Variants in CCDC178 observed in about 807,000 individuals in gnomAD.
CCDC178 encodes the protein coiled-coil domain containing 178.
In CCDC178, 126 loss-of-function variants were observed where a neutral mutation model predicts 117.4. The ratio of observed to expected loss-of-function variants is 1.07; its 90% CI spans 0.93 to 1.24. CCDC178 has a LOEUF of 1.24. Among genes scored for constraint, CCDC178 ranks in the 50% most tolerant of loss-of-function variants. CCDC178 has a pLI of 0.00. For missense variants in CCDC178, 1,030 were observed against 986.9 expected (o/e 1.04, Z -0.59); for synonymous variants, 283 against 313.4 (o/e 0.90, Z 1.02).
At chr18:33,065,686 C>G (rs751630940) in intron 21 of CCDC178, among the ~76,000 whole-genome samples, 3 of 151,986 alleles carry the variant, frequency 2.0e-5, no homozygotes, top group Non-Finnish European at 2.9e-5. Flanking sequence ...ATAAAAGCAG[C>G]AAGAGAAAAG....
intron 20 of CCDC178, among the ~76,000 whole-genome samples, chr18:33,202,824 A>G (rs1301913370): frequency 1.3e-5 from 2 of 152,198 alleles, no homozygotes; most frequent in African/African-American, 4.8e-5. Flanking sequence ...AGTCCTCACA[A>G]TATATTCTTT....
intron 3 of CCDC178, among the ~76,000 whole-genome samples, chr18:33,404,531 T>G (rs1599278801): frequency 6.6e-6 from 1 of 152,130 alleles, no homozygotes; most frequent in African/African-American, 2.4e-5. Flanking sequence ...TGGCTGCTTC[T>G]GTGGAAAGCA....
At chr18:33,439,511 T>C (rs1376491864) in intron 2 of CCDC178, among the ~76,000 whole-genome samples, 1 of 152,254 alleles carries the variant, frequency 6.6e-6, no homozygotes, top group African/African-American at 2.4e-5. Context: ...AAGTATTATA[T>C]ATTCAAGATA....
chr18:33,407,126 C>T (rs981473063), intron 3 of CCDC178, among the ~76,000 whole-genome samples: 3 of 152,112 alleles, frequency 2.0e-5, no homozygotes, highest in Admixed American at 2.0e-4. Flanking sequence ...GTACATCCAA[C>T]CAGGTGAGAC....
chr18:33,010,386 T>C (rs542193819), intron 21 of CCDC178, among the ~76,000 whole-genome samples: 41 of 152,168 alleles, frequency 2.7e-4, no homozygotes, highest in Admixed American at 1.7e-3. Context: ...ACTGTCACCA[T>C]TGTCAAAGCA....
chr18:33,369,973 TG>T, intron 6 of CCDC178, 76 bp downstream of exon 6: 8 of 1,229,018 alleles, frequency 6.5e-6, no homozygotes, highest in Non-Finnish European at 8.8e-6. Context: ...CAGAGTTTCC[TG>T]GGTTCTTTAA....
chr18:32,983,362 G>A, intron 21 of CCDC178: 1 of 1,484,744 alleles, frequency 6.7e-7, no homozygotes, highest in Non-Finnish European at 9.1e-7. Flanking sequence ...CCTAAGAATA[G>A]AAATATTACA....
intron 20 of CCDC178, among the ~76,000 whole-genome samples, chr18:33,099,389 G>T (rs2057590730): frequency 6.6e-6 from 1 of 151,996 alleles, no homozygotes; most frequent in Non-Finnish European, 1.5e-5. Context: ...GCACTGGAAT[G>T]ATAGTTTTGC....
intron 15 of CCDC178, among the ~76,000 whole-genome samples, chr18:33,235,911 C>G (rs2059421451): frequency 6.6e-6 from 1 of 152,128 alleles, no homozygotes; most frequent in Non-Finnish European, 1.5e-5. Flanking sequence ...TGGCCAAACA[C>G]CTCTTTTCTG....
chr18:33,290,122 A>C (rs1467266730), intron 12 of CCDC178, among the ~76,000 whole-genome samples: 1 of 152,198 alleles, frequency 6.6e-6, no homozygotes, highest in Non-Finnish European at 1.5e-5. Flanking sequence ...TAAACCAGAA[A>C]TATAAAAGAT....
intron 16 of CCDC178, among the ~76,000 whole-genome samples, chr18:33,225,959 C>T (rs1375546120): frequency 2.6e-5 from 4 of 151,914 alleles, no homozygotes; most frequent in East Asian, 1.9e-4. Context: ...GTCAGGAGTT[C>T]GAGACCAGCC....
At chr18:33,143,982 C>T (rs2144311400) in intron 20 of CCDC178, among the ~76,000 whole-genome samples, 1 of 152,154 alleles carries the variant, frequency 6.6e-6, no homozygotes, top group South Asian at 2.1e-4. Flanking sequence ...TACACAGACT[C>T]ATAAACATGC....
chr18:33,125,014 AT>A (rs1048876100), intron 20 of CCDC178, among the ~76,000 whole-genome samples: 6 of 151,862 alleles, frequency 4.0e-5, no homozygotes, highest in Non-Finnish European at 8.8e-5. Context: ...ACCTGCACAC[AT>A]TTGCTTGATG....
At chr18:33,127,762 G>C (rs1046758354) in intron 20 of CCDC178, among the ~76,000 whole-genome samples, 1 of 152,106 alleles carries the variant, frequency 6.6e-6, no homozygotes, top group African/African-American at 2.4e-5. Context: ...TAACAGTAGG[G>C]AGAATAAAGG....
At chr18:33,185,094 T>G (rs945710144) in intron 20 of CCDC178, among the ~76,000 whole-genome samples, 1 of 151,908 alleles carries the variant, frequency 6.6e-6, no homozygotes, top group Non-Finnish European at 1.5e-5. Flanking sequence ...CAGGTGAATG[T>G]GGGGGTGTGA....
chr18:33,406,035 G>C (rs2063775462), intron 3 of CCDC178, among the ~76,000 whole-genome samples: 1 of 151,926 alleles, frequency 6.6e-6, no homozygotes, highest in South Asian at 2.1e-4. Flanking sequence ...AGCTGATTTT[G>C]GTATTGCTCA....
At chr18:33,116,350 T>A (rs2057855509) in intron 20 of CCDC178, among the ~76,000 whole-genome samples, 1 of 152,132 alleles carries the variant, frequency 6.6e-6, no homozygotes, top group Admixed American at 6.6e-5. Context: ...AAATTAATCT[T>A]GTAGAAATGA....
intron 12 of CCDC178, among the ~76,000 whole-genome samples, chr18:33,271,877 T>G (rs1204527528): frequency 3.3e-5 from 5 of 151,548 alleles, no homozygotes; most frequent in Non-Finnish European, 7.4e-5. Flanking sequence ...TGAGAATGAA[T>G]GTACAACATA....
intron 15 of CCDC178, among the ~76,000 whole-genome samples, chr18:33,232,021 G>T (rs1378410850): frequency 6.6e-6 from 1 of 152,146 alleles, no homozygotes; most frequent in African/African-American, 2.4e-5. Flanking sequence ...TTTAAGCTTT[G>T]CGGATTAAGG....
Sources: gnomAD v4.1 joint callset for allele counts (sites outside exome capture counted in the v4.1 genomes callset) on GRCh38, gnomAD v4.1.1 for gene constraint, MANE v1.5 for transcripts, NCBI Gene and HGNC (gene_info 2026-07-23, HGNC 2026-07-21) for gene names.